PCDH9: variants seen among roughly 807,000 people sequenced by gnomAD.
PCDH9 encodes protocadherin 9.
PCDH9 carries 24 observed loss-of-function variants against 70.6 expected under a neutral mutation model. The ratio of observed to expected loss-of-function variants is 0.34; its 90% CI spans 0.25 to 0.48. The LOEUF is 0.48. Ranked by LOEUF, PCDH9 falls within the 20% of genes least tolerant of loss-of-function variation. The pLI is 0.99. For missense variants in PCDH9, 1,281 were observed against 1,503.6 expected (o/e 0.85, Z 2.45); for synonymous variants, 562 against 558.5 (o/e 1.01, Z -0.09).
intron 2 of PCDH9, among the ~76,000 whole-genome samples, chr13:67,146,036 G>A (rs1476282837): frequency 1.3e-5 from 2 of 152,052 alleles, no homozygotes; most frequent in Non-Finnish European, 2.9e-5. Context: ...AAGCTGGCTT[G>A]CCTTTAATCT....
chr13:66,771,504 T>C (rs1178166220), intron 3 of PCDH9, among the ~76,000 whole-genome samples: 1 of 152,188 alleles, frequency 6.6e-6, no homozygotes, highest in Non-Finnish European at 1.5e-5. Flanking sequence ...TTAAGTACAA[T>C]AGTAGTAATT....
intron 4 of PCDH9, among the ~76,000 whole-genome samples, chr13:66,396,364 A>T (rs1238254580): frequency 1.3e-5 from 2 of 152,226 alleles, no homozygotes; most frequent in Non-Finnish European, 1.5e-5. Context: ...CCAAGGGCAT[A>T]GTAGCTTCTC....
At chr13:66,825,604 G>C (rs1460093484) in intron 3 of PCDH9, among the ~76,000 whole-genome samples, 1 of 151,800 alleles carries the variant, frequency 6.6e-6, no homozygotes, top group Non-Finnish European at 1.5e-5. Context: ...CAAAGTGCTG[G>C]GATTACAGGC....
At chr13:66,538,907 C>T (rs940495782) in intron 4 of PCDH9, among the ~76,000 whole-genome samples, 4 of 151,790 alleles carry the variant, frequency 2.6e-5, no homozygotes, top group East Asian at 3.9e-4. Flanking sequence ...CAGTGAGAAG[C>T]GTAATATTAA....
At chr13:66,359,078 T>C (rs1257425644) in intron 4 of PCDH9, among the ~76,000 whole-genome samples, 1 of 151,992 alleles carries the variant, frequency 6.6e-6, no homozygotes, top group Non-Finnish European at 1.5e-5. Context: ...GGGACTATCA[T>C]AAGAGTAAGG....
chr13:67,214,231 G>A (rs1429891005), intron 2 of PCDH9: 1 of 152,316 alleles, frequency 6.6e-6, no homozygotes, highest in East Asian at 1.9e-4. Flanking sequence ...AGTAAAAGCT[G>A]TTGGTGATTA....
intron 4 of PCDH9, among the ~76,000 whole-genome samples, chr13:66,512,552 A>AGATTC (rs1386515865): frequency 1.2e-4 from 18 of 152,070 alleles, no homozygotes; most frequent in Admixed American, 1.1e-3. Flanking sequence ...CAATACCCCC[A>AGATTC]GATTCTAGAT....
chr13:66,743,955 A>G (rs2079315262), intron 3 of PCDH9, among the ~76,000 whole-genome samples: 1 of 152,148 alleles, frequency 6.6e-6, no homozygotes, highest in Non-Finnish European at 1.5e-5. Flanking sequence ...ATGTCTACAC[A>G]CACCCACATA....
At chr13:66,812,428 C>CA (rs756916472) in intron 3 of PCDH9, among the ~76,000 whole-genome samples, 1 of 152,120 alleles carries the variant, frequency 6.6e-6, no homozygotes, top group Non-Finnish European at 1.5e-5. Context: ...ATTTAAATAA[C>CA]AAAGAATAGA....
chr13:66,657,183 T>C (rs1269636492), intron 3 of PCDH9, among the ~76,000 whole-genome samples: 1 of 152,164 alleles, frequency 6.6e-6, no homozygotes, highest in Non-Finnish European at 1.5e-5. Flanking sequence ...AAGTTTCTAC[T>C]CCAGTTCCAG....
intron 2 of PCDH9, among the ~76,000 whole-genome samples, chr13:66,919,338 A>G (rs542255996): frequency 6.6e-6 from 1 of 151,290 alleles, no homozygotes; most frequent in African/African-American, 2.4e-5. Context: ...TCAAGCTTAC[A>G]CCTTCCTTAC....
chr13:66,455,360 G>C (rs1289193000), intron 4 of PCDH9, among the ~76,000 whole-genome samples: 2 of 151,514 alleles, frequency 1.3e-5, no homozygotes, highest in Admixed American at 6.6e-5. Flanking sequence ...AATTTTTAAA[G>C]AATTATAACA....
chr13:66,419,095 TA>T (rs1957514886), intron 4 of PCDH9, among the ~76,000 whole-genome samples: 5 of 152,070 alleles, frequency 3.3e-5, no homozygotes, highest in Non-Finnish European at 2.9e-5. Flanking sequence ...AGGCAATTAT[TA>T]ATAGCCTACC....
At chr13:66,793,583 A>G (rs2080194613) in intron 3 of PCDH9, among the ~76,000 whole-genome samples, 1 of 152,188 alleles carries the variant, frequency 6.6e-6, no homozygotes, top group African/African-American at 2.4e-5. Context: ...AACTAGTGTC[A>G]GAACATTTCA....
At chr13:67,053,817 G>C (rs980407027) in intron 2 of PCDH9, among the ~76,000 whole-genome samples, 1 of 152,112 alleles carries the variant, frequency 6.6e-6, no homozygotes, top group African/African-American at 2.4e-5. Flanking sequence ...ATGATTACTT[G>C]AATAACACCT....
At chr13:66,715,113 T>C (rs1278316557) in intron 3 of PCDH9, among the ~76,000 whole-genome samples, 1 of 152,178 alleles carries the variant, frequency 6.6e-6, no homozygotes, top group Non-Finnish European at 1.5e-5. Context: ...ATTGTACCTG[T>C]CATATCTAGC....
chr13:67,213,718 A>G (rs959471379), intron 2 of PCDH9: 2 of 152,160 alleles, frequency 1.3e-5, no homozygotes, highest in African/African-American at 4.8e-5. Flanking sequence ...AGCACAAAGA[A>G]TGAGTATTTT....
At chr13:66,779,866 T>TAC (rs1555268226) in intron 3 of PCDH9, among the ~76,000 whole-genome samples, 14 of 71,738 alleles carry the variant, frequency 2.0e-4, no homozygotes, top group Admixed American at 5.6e-4. Context: ...TATATATATA[T>TAC]ACATATATGT....
chr13:66,354,871 T>C (rs1345558888), intron 4 of PCDH9, among the ~76,000 whole-genome samples: 1 of 152,144 alleles, frequency 6.6e-6, no homozygotes, highest in Non-Finnish European at 1.5e-5. Context: ...ATTATCACTT[T>C]ACCAATTAGA....
Sources: allele counts gnomAD v4.1 joint callset (sites outside exome capture counted in the v4.1 genomes callset), GRCh38; gene constraint gnomAD v4.1.1; transcripts MANE v1.5; gene names NCBI Gene and HGNC (gene_info 2026-07-23, HGNC 2026-07-21).